Variants in SPMIP2 observed in about 807,000 individuals in gnomAD.
The protein encoded by SPMIP2 is protein SPMIP2.
the SPMIP2 span, chr4:159,035,266 G>T: frequency 1.7e-6 from 1 of 578,026 alleles, no homozygotes; most frequent in Non-Finnish European, 3.1e-6. Flanking sequence ...GTTCCTCCTT[G>T]CAGAGTTCTG....
At chr4:158,984,882 C>T in the SPMIP2 span, among the ~76,000 whole-genome samples, 20 of 151,846 alleles carry the variant, frequency 1.3e-4, no homozygotes, top group African/African-American at 1.9e-4. Flanking sequence ...TGATACACCG[C>T]TAGCAAGACT....
At chr4:158,986,470 A>C in the SPMIP2 span, among the ~76,000 whole-genome samples, 1 of 152,110 alleles carries the variant, frequency 6.6e-6, no homozygotes, top group East Asian at 1.9e-4. Flanking sequence ...AAGCCCTCAG[A>C]AATAACACCG....
At chr4:159,011,751 T>TA in the SPMIP2 span, among the ~76,000 whole-genome samples, 5 of 44,110 alleles carry the variant, frequency 1.1e-4, no homozygotes, top group African/African-American at 4.0e-4. Flanking sequence ...CGAAACTCCA[T>TA]CCCAAAAAAA....
At chr4:159,018,195 C>T in the SPMIP2 span, among the ~76,000 whole-genome samples, 4 of 152,198 alleles carry the variant, frequency 2.6e-5, no homozygotes, top group African/African-American at 4.8e-5. Context: ...TCACTTTGGA[C>T]GTGGCAGCTG....
the SPMIP2 span, among the ~76,000 whole-genome samples, chr4:159,052,371 A>AAAC: frequency 0.17 from 26,152 of 151,456 alleles, 2,592 homozygotes; most frequent in African/African-American, 0.27. Flanking sequence ...TAGACCCTGA[A>AAAC]AACAACAACA....
At chr4:158,953,136 G>A in the SPMIP2 span, among the ~76,000 whole-genome samples, 19 of 152,166 alleles carry the variant, frequency 1.2e-4, no homozygotes, top group African/African-American at 3.9e-4. Context: ...AAAACAACAG[G>A]GAAAATGTCT....
chr4:159,074,208 CT>C, the SPMIP2 span, among the ~76,000 whole-genome samples: 13 of 151,850 alleles, frequency 8.6e-5, no homozygotes, highest in Admixed American at 7.9e-4. Flanking sequence ...TTCAATAGCA[CT>C]TTTTTTTAGT....
At chr4:159,007,626 C>T in the SPMIP2 span, 92 of 934,932 alleles carry the variant, frequency 9.8e-5, no homozygotes, top group Middle Eastern at 7.4e-4. Flanking sequence ...CTTCTCAGAA[C>T]GTCGGGATGC....
At chr4:159,008,094 C>T in the SPMIP2 span, among the ~76,000 whole-genome samples, 1 of 151,908 alleles carries the variant, frequency 6.6e-6, no homozygotes. Flanking sequence ...AGATACAGTA[C>T]AAAATTTTTA....
At chr4:158,903,425 C>T in the SPMIP2 span, among the ~76,000 whole-genome samples, 2 of 152,152 alleles carry the variant, frequency 1.3e-5, no homozygotes, top group African/African-American at 4.8e-5. Flanking sequence ...CCTATTCGGC[C>T]GTCTTGCCTT....
the SPMIP2 span, among the ~76,000 whole-genome samples, chr4:159,077,869 A>C: frequency 6.6e-6 from 1 of 152,238 alleles, no homozygotes; most frequent in South Asian, 2.1e-4. Context: ...CTGTCAAATA[A>C]AGTACTGAAA....
the SPMIP2 span, chr4:158,973,073 C>A: frequency 6.7e-7 from 1 of 1,498,920 alleles, no homozygotes; most frequent in Non-Finnish European, 9.3e-7. Context: ...AATTTAAGAG[C>A]AATACCTTGA....
At chr4:159,005,509 C>G in the SPMIP2 span, among the ~76,000 whole-genome samples, 4 of 152,012 alleles carry the variant, frequency 2.6e-5, no homozygotes, top group Non-Finnish European at 5.9e-5. Context: ...TATGGATGCT[C>G]CCAGATAACA....
At chr4:159,026,158 G>A in the SPMIP2 span, 1 of 378,902 alleles carries the variant, frequency 2.6e-6, no homozygotes, top group Admixed American at 3.6e-5. Flanking sequence ...ATGATGCCTA[G>A]TGGACAGCAA....
chr4:159,035,934 G>A, the SPMIP2 span, among the ~76,000 whole-genome samples: 5 of 151,992 alleles, frequency 3.3e-5, no homozygotes, highest in East Asian at 3.9e-4. Flanking sequence ...CTATTTTATC[G>A]ACCTCCCCAC....
At chr4:159,072,241 G>C in the SPMIP2 span, among the ~76,000 whole-genome samples, 179 of 152,238 alleles carry the variant, frequency 1.2e-3, no homozygotes, top group Non-Finnish European at 2.0e-3. Context: ...CTAAGGCTGG[G>C]AAGTAAAGGC....
chr4:158,980,117 A>G, the SPMIP2 span, among the ~76,000 whole-genome samples: 15 of 152,166 alleles, frequency 9.9e-5, no homozygotes, highest in African/African-American at 2.4e-4. Context: ...CACCCTCCAC[A>G]GCTCAGCAAA....
chr4:158,909,482 T>G, the SPMIP2 span: 2 of 152,184 alleles, frequency 1.3e-5, no homozygotes, highest in Admixed American at 6.5e-5. Context: ...ACAAGAGTGC[T>G]TTTTGGTTCC....
At chr4:158,977,392 C>T in the SPMIP2 span, among the ~76,000 whole-genome samples, 1 of 152,012 alleles carries the variant, frequency 6.6e-6, no homozygotes, top group East Asian at 1.9e-4. Flanking sequence ...GAGGTGTTTA[C>T]AGTATTCTCT....
Sources: allele counts gnomAD v4.1 joint callset (sites outside exome capture counted in the v4.1 genomes callset), GRCh38; gene constraint gnomAD v4.1.1; transcripts MANE v1.5; gene names NCBI Gene and HGNC (gene_info 2026-07-23, HGNC 2026-07-21).